PCCB: variants seen among roughly 807,000 people sequenced by gnomAD.
PCCB encodes propionyl-CoA carboxylase beta chain, mitochondrial.
In PCCB, 43 loss-of-function variants were observed where a neutral mutation model predicts 60.7. The ratio of observed to expected loss-of-function variants is 0.71; its 90% CI spans 0.55 to 0.91. PCCB has a LOEUF of 0.91. PCCB is among the 40% of genes least tolerant of loss of function. PCCB has a pLI of 0.00. For synonymous variants in PCCB, 276 were observed against 255.9 expected (o/e 1.08, Z -0.75); for missense variants, 766 against 702.8 (o/e 1.09, Z -1.02).
intron 5 of PCCB, among the ~76,000 whole-genome samples, chr3:136,268,058 G>C (rs1407981400): frequency 1.1e-5 from 1 of 92,706 alleles, no homozygotes; most frequent in Non-Finnish European, 2.4e-5. Context: ...TAGTGTGTGT[G>C]TGTGTGCGTG....
chr3:136,276,575 CAGGGCG>C (rs1942335787), intron 5 of PCCB, among the ~76,000 whole-genome samples: 1 of 151,160 alleles, frequency 6.6e-6, no homozygotes, highest in African/African-American at 2.4e-5. Flanking sequence ...GAACTTGGGC[CAGGGCG>C]GGGGTGGGGG....
chr3:136,267,400 G>T (rs894263148), intron 5 of PCCB, among the ~76,000 whole-genome samples: 1 of 151,806 alleles, frequency 6.6e-6, no homozygotes, highest in African/African-American at 2.4e-5. Flanking sequence ...TTACTACATT[G>T]CCCAGCCTGG....
At position 136,327,695 on chromosome 3, in the gene PCCB, C is replaced by G; in HGVS notation, c.1361C>G (p.Ala454Gly). ...CACCTTTGTGGTGATACCAACTATG[C>G]CTGGCCCACCGCAGAGATTGCAGTC... The part of the protein sequence containing the change: ...SKHLCGDTNY[A>G]WPTAEIAVMG... The change falls in exon 13 of 15, where the codon GCC becomes GGC. Residue 454 changes from alanine to glycine, a missense_variant. Coordinates refer to ENST00000251654, the MANE Select transcript of PCCB (RefSeq NM_000532.5). The G allele has an allele frequency of 6.2e-7, 1 of 1,613,984 alleles. No individual in the cohort carries two copies. The highest frequency in any genetic ancestry group is 8.5e-7 in the Non-Finnish European group (1 of 1,179,926).
chr3:136,278,311 T>C (rs1212213955), intron 5 of PCCB, among the ~76,000 whole-genome samples: 2 of 152,150 alleles, frequency 1.3e-5, no homozygotes, highest in Non-Finnish European at 2.9e-5. Flanking sequence ...TCCCTTGTCT[T>C]ATGGTTTAGG....
intron 1 of PCCB, among the ~76,000 whole-genome samples, chr3:136,254,888 T>TC (rs1414849796): frequency 6.6e-6 from 1 of 151,430 alleles, no homozygotes; most frequent in Non-Finnish European, 1.5e-5. Context: ...CTTTTTTTTT[T>TC]TTTTGGGACG....
chr3:136,304,805 C>T (rs1214422996), intron 9 of PCCB, among the ~76,000 whole-genome samples: 1 of 119,900 alleles, frequency 8.3e-6, no homozygotes, highest in African/African-American at 2.5e-5. Flanking sequence ...GATTCTCCTG[C>T]CTCAACCTCC....
Position 136,293,748 on chromosome 3 carries a change from TA to T in PCCB, c.655-7del. On this transcript the variant is annotated splice_polypyrimidine_tract_variant and splice_region_variant and intron_variant, in intron 6 of 14. Transcript: ENST00000251654. ...GAGGTTGACTGTTCTGGAAATCTTT[TA>T]TTTCAGGACACCTCCTACCTGTTCA... 6.3e-7 allele frequency: 1 copy of T among 1,575,614 alleles called. No individual in the cohort carries two copies.
chr3:136,301,005 A>G (rs762634495), intron 8 of PCCB, 25 bp from the exon 9 acceptor site: 8 of 1,590,978 alleles, frequency 5.0e-6, no homozygotes, highest in East Asian at 2.2e-5. Context: ...TATGTTGACT[A>G]TACCTGCCTT....
rs1449195105 is a variant in PCCB, at chr3:136,304,424, C to T, written c.966+3313C>T. ...TGAGTTGGAGTCTGGCTCTGTCGCC[C>T]GGGCTGGAGTGCAGTGGCGTGATCT... On this transcript the variant is annotated intron_variant, in intron 9 of 14. Coordinates refer to ENST00000251654, the MANE Select transcript of PCCB (RefSeq NM_000532.5). Among the ~76,000 whole-genome samples the T allele has an allele frequency of 2.2e-4, 26 of 117,846 alleles. 4 individuals are homozygous for T. The highest frequency in any genetic ancestry group is 4.4e-4 in the African/African-American group (17 of 39,072). The allele number at this position is 117,846 out of a possible 152,430, so 77.3% of individuals were successfully genotyped here. A position where few individuals can be genotyped will look rare whatever the true frequency, so the allele number is the denominator to read the frequency against.
intron 8 of PCCB, among the ~76,000 whole-genome samples, chr3:136,300,246 C>A (rs1482831420): frequency 6.6e-6 from 1 of 152,084 alleles, no homozygotes; most frequent in Non-Finnish European, 1.5e-5. Context: ...GTTTTCTTTC[C>A]AGCGTAGAGC....
At chr3:136,319,184 T>G (rs1436624405) in intron 10 of PCCB, among the ~76,000 whole-genome samples, 1 of 152,236 alleles carries the variant, frequency 6.6e-6, no homozygotes, top group Non-Finnish European at 1.5e-5. Context: ...TCCTTTCATG[T>G]GCTTATTGGC....
At chr3:136,297,876 C>T (rs546302797) in intron 7 of PCCB, 76 bp from the exon 8 acceptor site, 83 of 1,552,474 alleles carry the variant, frequency 5.3e-5, no homozygotes, top group South Asian at 4.5e-5. Flanking sequence ...CCTAGAAGGG[C>T]GCAGTCAGGC....
At chr3:136,260,393 G>A in intron 3 of PCCB, 86 bp from the exon 4 acceptor site, 1 of 1,189,994 alleles carries the variant, frequency 8.4e-7, no homozygotes, top group South Asian at 1.3e-5. Context: ...ACTTTTATCT[G>A]TGAATTTTCT....
chr3:136,284,241 A>T (rs1933246764), intron 6 of PCCB, among the ~76,000 whole-genome samples: 1 of 152,114 alleles, frequency 6.6e-6, no homozygotes, highest in African/African-American at 2.4e-5. Flanking sequence ...CAGATAGATG[A>T]CTGTTTACTG....
chr3:136,307,730 C>CT (rs1203689617), intron 9 of PCCB, among the ~76,000 whole-genome samples: 1 of 151,870 alleles, frequency 6.6e-6, no homozygotes, highest in Non-Finnish European at 1.5e-5. Flanking sequence ...AATTCCAGTA[C>CT]TTTGGGAGGC....
intron 10 of PCCB, chr3:136,326,479 C>T (rs1329778340): frequency 2.9e-6 from 2 of 684,634 alleles, no homozygotes; most frequent in Admixed American, 2.1e-5. Context: ...TCTGAGGACT[C>T]TCTAAGACCA....
intron 10 of PCCB, among the ~76,000 whole-genome samples, chr3:136,322,577 C>T (rs1477980286): frequency 6.6e-6 from 1 of 152,118 alleles, no homozygotes; most frequent in Non-Finnish European, 1.5e-5. Context: ...TAGTTGAAAC[C>T]TGGGCTTTAT....
chr3:136,258,821 G>A (rs1364595717), intron 3 of PCCB, among the ~76,000 whole-genome samples: 1 of 152,010 alleles, frequency 6.6e-6, no homozygotes, highest in African/African-American at 2.4e-5. Flanking sequence ...AGAGACTTCT[G>A]TTAGTCTCTG....
chr3:136,329,637 A>C (rs1385417922), intron 14 of PCCB, among the ~76,000 whole-genome samples: 1 of 152,168 alleles, frequency 6.6e-6, no homozygotes, highest in Admixed American at 6.5e-5. Flanking sequence ...TTGTGGCAGG[A>C]TGGAGGCATT....
Sources: gnomAD v4.1 joint callset for allele counts (sites outside exome capture counted in the v4.1 genomes callset) on GRCh38, gnomAD v4.1.1 for gene constraint, MANE v1.5 for transcripts, NCBI Gene and HGNC (gene_info 2026-07-23, HGNC 2026-07-21) for gene names.